The following LRP1B variants were observed in gnomAD, a reference collection of about 807,000 sequenced individuals.
LRP1B encodes the protein LDL receptor related protein 1B.
Under a neutral mutation model 556.6 loss-of-function variants are expected in LRP1B, and 217 were observed. That is an observed-to-expected ratio of 0.39 (90% CI 0.35 to 0.44). LRP1B has a LOEUF of 0.44. LRP1B is among the 20% of genes least tolerant of loss of function. The pLI, the probability that LRP1B is intolerant of heterozygous loss-of-function variation, is 1.00. For synonymous variants in LRP1B, 2,047 were observed against 1,865.8 expected (o/e 1.10, Z -2.50); for missense variants, 5,053 against 5,620.8 (o/e 0.90, Z 3.23).
At chr2:140,973,863 C>G (rs1018992489) in intron 18 of LRP1B, among the ~76,000 whole-genome samples, 1 of 152,014 alleles carries the variant, frequency 6.6e-6, no homozygotes, top group African/African-American at 2.4e-5. Context: ...AATTTTTCAT[C>G]TTGCATATTT....
At position 141,570,363 on chromosome 2, in the gene LRP1B, G is replaced by A. The variant is rs563669949; in HGVS notation, c.206-89830C>T. On this transcript the variant is annotated intron_variant, in intron 2 of 90. Transcript: ENST00000389484. ...TAGCCAAGGGAGGCAGTGAGTGAGC[G>A]TGCTACCCAGCCAGAGAAACTGTGC... 1.1e-4 allele frequency among the ~76,000 whole-genome samples: 17 copies of A among 150,982 alleles called. No homozygotes were observed. In the South Asian group the frequency reaches 1.5e-3, roughly 13 times the overall value.
intron 84 of LRP1B, among the ~76,000 whole-genome samples, chr2:140,284,030 C>T (rs1025419682): frequency 2.6e-5 from 4 of 151,128 alleles, no homozygotes; most frequent in Admixed American, 1.3e-4. Context: ...GGAAATGAAG[C>T]GTGCAAATAT....
intron 2 of LRP1B, among the ~76,000 whole-genome samples, chr2:141,585,573 T>C (rs1687109289): frequency 6.6e-6 from 1 of 151,990 alleles, no homozygotes; most frequent in Non-Finnish European, 1.5e-5. Context: ...GCTTGCCATA[T>C]ACGAGTTTAC....
At chr2:141,175,045 T>A (rs1210821765) in intron 7 of LRP1B, among the ~76,000 whole-genome samples, 1 of 152,108 alleles carries the variant, frequency 6.6e-6, no homozygotes, top group Admixed American at 6.5e-5. Context: ...TTGAGGGAGA[T>A]GATTTAGGAT....
At chr2:141,461,780 A>G (rs1290798559) in intron 3 of LRP1B, among the ~76,000 whole-genome samples, 2 of 152,238 alleles carry the variant, frequency 1.3e-5, no homozygotes, top group Non-Finnish European at 2.9e-5. Flanking sequence ...TTCCTTTTCC[A>G]TACATGATTT....
At chr2:141,492,079 G>GAAAAAAAAAACAAAA (rs1553521018) in intron 2 of LRP1B, among the ~76,000 whole-genome samples, 98 of 8,058 alleles carry the variant, frequency 0.012, 2 homozygotes, top group African/African-American at 0.025. Context: ...TTAGCTTTCT[G>GAAAAAAAAAACAAAA]AAAAAAAAAA....
rs559706711 is a variant in LRP1B, at chr2:141,946,063, C to T, written c.83-135662G>A. Among the ~76,000 whole-genome samples, 6 of 152,106 alleles carry T rather than the reference C, an allele frequency of 3.9e-5. No individual in the cohort carries two copies. The East Asian group carries it at 5.8e-4, about 15-fold the overall frequency. ...GCAGCTCCCACTCAACGAGAGAGCA[C>T]GTAGGGGTACCTATACTAGCCCACC... On this transcript the variant is annotated intron_variant, in intron 1 of 90. Coordinates refer to ENST00000389484, the MANE Select transcript of LRP1B (RefSeq NM_018557.3).
At chr2:141,466,428 ATCT>A (rs1682204167) in intron 3 of LRP1B, among the ~76,000 whole-genome samples, 1 of 152,220 alleles carries the variant, frequency 6.6e-6, no homozygotes, top group African/African-American at 2.4e-5. Flanking sequence ...AATATCCATT[ATCT>A]TCTTCTTCCA....
At chr2:140,533,019 G>A (rs945098469) in intron 47 of LRP1B, among the ~76,000 whole-genome samples, 2 of 118,848 alleles carry the variant, frequency 1.7e-5, no homozygotes, top group African/African-American at 2.9e-5. Flanking sequence ...GTACAGGCAC[G>A]TGTCTCATGA....
At chr2:140,590,495 AG>A in intron 43 of LRP1B, among the ~76,000 whole-genome samples, 1 of 151,876 alleles carries the variant, frequency 6.6e-6, no homozygotes, top group Non-Finnish European at 1.5e-5. Flanking sequence ...GAGATAATTA[AG>A]ATTAAATAAG....
At chr2:140,336,484 A>C (rs1007282987) in intron 77 of LRP1B, among the ~76,000 whole-genome samples, 1 of 151,804 alleles carries the variant, frequency 6.6e-6, no homozygotes, top group Non-Finnish European at 1.5e-5. Context: ...TTAGCTTGAT[A>C]GGATGCTGCT....
intron 23 of LRP1B, among the ~76,000 whole-genome samples, chr2:140,901,653 AT>A (rs539298314): frequency 6.6e-5 from 10 of 152,254 alleles, no homozygotes; most frequent in East Asian, 3.9e-4. Flanking sequence ...AGATTAGAAA[AT>A]TTTTTTAAAG....
At chr2:141,018,057 G>A (rs1410297188) in intron 12 of LRP1B, among the ~76,000 whole-genome samples, 1 of 148,758 alleles carries the variant, frequency 6.7e-6, no homozygotes, top group Non-Finnish European at 1.5e-5. Flanking sequence ...CAAACAATGA[G>A]AATTCTTAAA....
intron 3 of LRP1B, among the ~76,000 whole-genome samples, chr2:141,372,905 C>T (rs1689283341): frequency 6.6e-6 from 1 of 151,946 alleles, no homozygotes; most frequent in Non-Finnish European, 1.5e-5. Context: ...CCTTAGCTAA[C>T]TTTGGATTTG....
At chr2:140,354,945 A>G (rs567408255) in intron 75 of LRP1B, among the ~76,000 whole-genome samples, 1 of 152,138 alleles carries the variant, frequency 6.6e-6, no homozygotes, top group Non-Finnish European at 1.5e-5. Flanking sequence ...AAATTTTTGG[A>G]TTATAGAATC....
rs543952360 is a variant in LRP1B, at chr2:142,100,247, T to G, written c.82+30401A>C. 1.4e-4 allele frequency among the ~76,000 whole-genome samples: 22 copies of G among 152,032 alleles called. No individual in the cohort carries two copies. The South Asian group carries it at 4.6e-3, about 32-fold the overall frequency. On this transcript the variant is annotated intron_variant, in intron 1 of 90. Transcript: ENST00000389484. ...AAGTAAGTGGCTTCTCCGTGAGATA[T>G]CAGGGGGCCCAAGGCATCACGCTGC...
intron 1 of LRP1B, among the ~76,000 whole-genome samples, chr2:141,872,463 A>G (rs925266362): frequency 2.0e-5 from 3 of 151,984 alleles, no homozygotes; most frequent in African/African-American, 7.2e-5. Flanking sequence ...CAAAAAGCAT[A>G]TGAAAGAGAG....
intron 1 of LRP1B, among the ~76,000 whole-genome samples, chr2:142,050,882 T>TC (rs1401878671): frequency 6.6e-6 from 1 of 152,110 alleles, no homozygotes; most frequent in African/African-American, 2.4e-5. Flanking sequence ...AAATATTTTT[T>TC]CTCCATCATG....
chr2:141,591,254 C>G (rs150183158), intron 2 of LRP1B, among the ~76,000 whole-genome samples: 1 of 152,248 alleles, frequency 6.6e-6, no homozygotes, highest in Admixed American at 6.5e-5. Context: ...TCCCTAAGAA[C>G]AGCATTCTAC....
Sources: gnomAD v4.1 joint callset for allele counts (sites outside exome capture counted in the v4.1 genomes callset) on GRCh38, gnomAD v4.1.1 for gene constraint, MANE v1.5 for transcripts, NCBI Gene and HGNC (gene_info 2026-07-23, HGNC 2026-07-21) for gene names.